Variants in WDR7 observed in about 807,000 individuals in gnomAD.
The protein encoded by WDR7 is WD repeat domain 7.
A neutral mutation model predicts 169.4 loss-of-function variants in WDR7; 46 were observed. The observed-to-expected ratio is 0.27, with a 90% confidence interval of 0.21 to 0.35. The LOEUF is 0.35. Ranked by LOEUF, WDR7 falls within the 10% of genes least tolerant of loss-of-function variation. WDR7 has a pLI of 1.00. For synonymous variants in WDR7, 612 were observed against 666.8 expected (o/e 0.92, Z 1.27); for missense variants, 1,534 against 1,859.3 (o/e 0.83, Z 3.22).
intron 26 of WDR7, among the ~76,000 whole-genome samples, chr18:56,963,650 C>G (rs756939878): frequency 2.3e-4 from 35 of 152,038 alleles, no homozygotes; most frequent in Non-Finnish European, 1.2e-4. Context: ...CAAATATGCA[C>G]TATTTGCCAT....
intron 1 of WDR7, among the ~76,000 whole-genome samples, chr18:56,671,629 G>T (rs548150927): frequency 6.6e-6 from 1 of 152,260 alleles, no homozygotes; most frequent in African/African-American, 2.4e-5. Context: ...TTTTTCTTGG[G>T]CGTTGGTATT....
intron 20 of WDR7, among the ~76,000 whole-genome samples, chr18:56,867,280 G>A (rs2045895738): frequency 6.6e-6 from 1 of 152,034 alleles, no homozygotes; most frequent in Admixed American, 6.6e-5. Flanking sequence ...CAAGCCATCT[G>A]CCTGCCTTGG....
intron 1 of WDR7, among the ~76,000 whole-genome samples, chr18:56,662,279 T>C (rs1337550941): frequency 6.6e-6 from 1 of 152,202 alleles, no homozygotes; most frequent in African/African-American, 2.4e-5. Flanking sequence ...ACGTCCTGCT[T>C]TTGCATTTGA....
intron 14 of WDR7, among the ~76,000 whole-genome samples, chr18:56,733,584 G>A (rs1450027424): frequency 6.6e-6 from 1 of 152,096 alleles, no homozygotes; most frequent in African/African-American, 2.4e-5. Context: ...TAGCAATCAG[G>A]GCTATATGGA....
chr18:56,816,403 C>G (rs972547091), intron 20 of WDR7, among the ~76,000 whole-genome samples: 1 of 152,078 alleles, frequency 6.6e-6, no homozygotes, highest in Non-Finnish European at 1.5e-5. Context: ...TTCTGGAGAC[C>G]TTTTAATTCA....
chr18:57,033,026 A>G (rs569815392), downstream of WDR7: 1 of 151,902 alleles, frequency 6.6e-6, no homozygotes, highest in Non-Finnish European at 1.5e-5. Context: ...AAATGTGTGA[A>G]TAAAGATACG....
chr18:56,907,380 G>C (rs1453172961), intron 21 of WDR7, among the ~76,000 whole-genome samples: 1 of 152,040 alleles, frequency 6.6e-6, no homozygotes. Flanking sequence ...ACTTCTTATG[G>C]ATGCCTTCTA....
intron 21 of WDR7, among the ~76,000 whole-genome samples, 174 bp downstream of exon 21, chr18:56,880,339 C>T (rs866947405): frequency 2.0e-5 from 3 of 152,156 alleles, no homozygotes; most frequent in Non-Finnish European, 4.4e-5. Context: ...ACCTGAACTC[C>T]TTTTTAAAAG....
At chr18:56,821,231 AAAG>A (rs2045089631) in intron 20 of WDR7, among the ~76,000 whole-genome samples, 1 of 152,226 alleles carries the variant, frequency 6.6e-6, no homozygotes, top group African/African-American at 2.4e-5. Flanking sequence ...GCTGCCATGG[AAAG>A]AAGAAAAAAT....
At chr18:56,824,082 TC>T (rs1325378329) in intron 20 of WDR7, among the ~76,000 whole-genome samples, 2 of 152,290 alleles carry the variant, frequency 1.3e-5, no homozygotes, top group Admixed American at 1.3e-4. Flanking sequence ...GACTTATATC[TC>T]TGATGTCATC....
intron 5 of WDR7, 109 bp from the exon 6 acceptor site, chr18:56,685,846 AT>A: frequency 1.2e-6 from 1 of 843,046 alleles, no homozygotes; most frequent in Non-Finnish European, 1.8e-6. Context: ...TTTTCTGCTA[AT>A]TGTAAAACAT....
chr18:56,781,742 A>G (rs2044321724), intron 19 of WDR7, 86 bp downstream of exon 19: 2 of 1,286,334 alleles, frequency 1.6e-6, no homozygotes, highest in East Asian at 2.8e-5. Context: ...GCTACTACCC[A>G]TCAACAAAAA....
chr18:56,678,886 T>G (rs1036796474), intron 2 of WDR7, among the ~76,000 whole-genome samples: 3 of 152,196 alleles, frequency 2.0e-5, no homozygotes, highest in Admixed American at 2.0e-4. Flanking sequence ...GCAGAGACTG[T>G]TGTTCTCTGT....
intron 20 of WDR7, among the ~76,000 whole-genome samples, chr18:56,839,451 T>C (rs1444583668): frequency 6.6e-6 from 1 of 152,188 alleles, no homozygotes; most frequent in Non-Finnish European, 1.5e-5. Flanking sequence ...AGACTCAACT[T>C]ATATGATTAA....
chr18:56,962,731 A>T (rs1019036091), intron 26 of WDR7, among the ~76,000 whole-genome samples: 1 of 152,188 alleles, frequency 6.6e-6, no homozygotes, highest in African/African-American at 2.4e-5. Context: ...GCCACAGAAG[A>T]GTTCATAAGA....
intron 26 of WDR7, among the ~76,000 whole-genome samples, chr18:57,014,613 C>T (rs984525027): frequency 5.3e-5 from 8 of 151,476 alleles, no homozygotes; most frequent in East Asian, 3.9e-4. Flanking sequence ...GCCGAGATCG[C>T]GCCATTGCAC....
chr18:56,734,053 C>T (rs1046493451), intron 14 of WDR7, among the ~76,000 whole-genome samples: 1 of 152,140 alleles, frequency 6.6e-6, no homozygotes, highest in Non-Finnish European at 1.5e-5. Flanking sequence ...CCCTGCATTG[C>T]AGCCTCAAGG....
chr18:57,007,852 G>A (rs1428995523), intron 26 of WDR7, among the ~76,000 whole-genome samples: 1 of 151,914 alleles, frequency 6.6e-6, no homozygotes, highest in Non-Finnish European at 1.5e-5. Context: ...TACTCTTCAT[G>A]GACTTTCTCA....
At chr18:56,796,710 A>G (rs1310384755) in intron 19 of WDR7, among the ~76,000 whole-genome samples, 1 of 152,216 alleles carries the variant, frequency 6.6e-6, no homozygotes, top group African/African-American at 2.4e-5. Flanking sequence ...TACTAAATCC[A>G]TGAACTATGA....
Sources: allele counts gnomAD v4.1 joint callset (sites outside exome capture counted in the v4.1 genomes callset), GRCh38; gene constraint gnomAD v4.1.1; transcripts MANE v1.5; gene names NCBI Gene and HGNC (gene_info 2026-07-23, HGNC 2026-07-21).